Variants in ST8SIA4 observed in about 807,000 individuals in gnomAD.
ST8SIA4 encodes the protein ST8 alpha-N-acetyl-neuraminide alpha-2,8-sialyltransferase 4.
Under a neutral mutation model 33.9 loss-of-function variants are expected in ST8SIA4, and 15 were observed. The ratio of observed to expected loss-of-function variants is 0.44; its 90% CI spans 0.30 to 0.68. The LOEUF (loss-of-function observed/expected upper bound fraction) is 0.68. Ranked by LOEUF, ST8SIA4 falls within the 30% of genes least tolerant of loss-of-function variation. The probability of loss-of-function intolerance (pLI) is 0.10; values close to 1 mark genes in which losing one functional copy is unlikely to be tolerated. For missense variants in ST8SIA4, 321 were observed against 428.0 expected (o/e 0.75, Z 2.21); for synonymous variants, 171 against 151.2 (o/e 1.13, Z -0.96).
intron 3 of ST8SIA4, among the ~76,000 whole-genome samples, chr5:100,879,200 GTAATCT>G (rs1416770138): frequency 6.6e-6 from 1 of 152,002 alleles, no homozygotes; most frequent in African/African-American, 2.4e-5. Flanking sequence ...TTCTTATTAA[GTAATCT>G]TTTTAAACAA....
chr5:100,821,230 G>A (rs1204167006), intron 4 of ST8SIA4, among the ~76,000 whole-genome samples: 1 of 151,936 alleles, frequency 6.6e-6, no homozygotes, highest in African/African-American at 2.4e-5. Context: ...AGGACATGGA[G>A]TCCTACAAAG....
At chr5:100,842,951 G>A (rs773380558) in intron 4 of ST8SIA4, among the ~76,000 whole-genome samples, 10 of 151,896 alleles carry the variant, frequency 6.6e-5, no homozygotes, top group Non-Finnish European at 1.2e-4. Context: ...ATATTGTTGA[G>A]TATCCAAAAC....
At chr5:100,852,466 T>C (rs547212138) in intron 4 of ST8SIA4, among the ~76,000 whole-genome samples, 44 of 101,944 alleles carry the variant, frequency 4.3e-4, no homozygotes, top group Admixed American at 1.0e-3. Context: ...TACAAAATGT[T>C]AATTTGAAAA....
chr5:100,873,006 T>C (rs372334107), intron 3 of ST8SIA4, among the ~76,000 whole-genome samples: 1 of 152,236 alleles, frequency 6.6e-6, no homozygotes, highest in African/African-American at 2.4e-5. Context: ...ATGAACATTC[T>C]GACTCAGCAG....
At chr5:100,897,733 G>A (rs1342410182) in intron 1 of ST8SIA4, among the ~76,000 whole-genome samples, 2 of 152,100 alleles carry the variant, frequency 1.3e-5, no homozygotes, top group African/African-American at 4.8e-5. Context: ...GCTACTCCCT[G>A]TGAAATTCAT....
At chr5:100,841,262 T>C (rs1751464377) in intron 4 of ST8SIA4, among the ~76,000 whole-genome samples, 1 of 151,858 alleles carries the variant, frequency 6.6e-6, no homozygotes, top group African/African-American at 2.4e-5. Context: ...CTGGGACTTT[T>C]GTAAATTGGG....
chr5:100,903,245 A>C lies in ST8SIA4; in HGVS notation c.-290T>G. On this transcript the variant is annotated 5_prime_UTR_variant, in exon 1 of 5. Coordinates refer to ENST00000231461, the MANE Select transcript of ST8SIA4 (RefSeq NM_005668.6). ...TCAGATGAGACACCTTGTGCATTGG[A>C]GGTGGCGGCAGCTTCTGCAGCTGGG... The C allele has an allele frequency of 2.6e-6, 1 of 386,384 alleles. No homozygotes were observed. Among genetic ancestry groups the C allele is most frequent in the South Asian group, 3.0e-5 (1 of 33,808 alleles). The allele number at this position is 386,384 out of a possible 1,614,324, so 23.9% of individuals were successfully genotyped here.
chr5:100,871,255 A>T (rs534138043), intron 3 of ST8SIA4, among the ~76,000 whole-genome samples: 1 of 152,096 alleles, frequency 6.6e-6, no homozygotes, highest in Non-Finnish European at 1.5e-5. Context: ...TCTGTAAATT[A>T]TCTACCAGTG....
chr5:100,898,761 C>T (rs541020647), intron 1 of ST8SIA4, among the ~76,000 whole-genome samples: 2 of 152,186 alleles, frequency 1.3e-5, no homozygotes, highest in Non-Finnish European at 2.9e-5. Context: ...TTGCCACCCC[C>T]CTACTTGTCT....
chr5:100,885,300 AG>A, intron 3 of ST8SIA4: 1 of 898,388 alleles, frequency 1.1e-6, no homozygotes, highest in Non-Finnish European at 1.3e-6. Context: ...AAGAGAGAAA[AG>A]GAAAGATAAT....
chr5:100,892,416 T>C (rs2112479462), intron 2 of ST8SIA4, among the ~76,000 whole-genome samples: 1 of 152,250 alleles, frequency 6.6e-6, no homozygotes, highest in Middle Eastern at 3.4e-3. Context: ...AAACTCCATA[T>C]ATCGTGAATC....
In ST8SIA4 at chr5:100,811,575, C is replaced by T. The variant is rs769667085; in HGVS notation, c.*272G>A. On this transcript the variant is annotated 3_prime_UTR_variant, in exon 5 of 5. Coordinates refer to ENST00000231461, the MANE Select transcript of ST8SIA4 (RefSeq NM_005668.6). Reference sequence around the variant, plus strand: ...GCTTTGTTAACTAATGATGAGTGCACTGTTGGATCTTGTAAACACTACTGA... The same window carrying T: ...GCTTTGTTAACTAATGATGAGTGCATTGTTGGATCTTGTAAACACTACTGA... 8.6e-6 allele frequency: 3 copies of T among 349,850 alleles called. No individual in the cohort carries two copies. Among genetic ancestry groups the T allele is most frequent in the Non-Finnish European group, 1.6e-5 (3 of 188,610 alleles). 21.7% of individuals were successfully genotyped at this position (349,850 alleles called of 1,614,324 possible).
chr5:100,819,654 G>A (rs1281910107), intron 4 of ST8SIA4, among the ~76,000 whole-genome samples: 1 of 152,128 alleles, frequency 6.6e-6, no homozygotes, highest in Non-Finnish European at 1.5e-5. Context: ...AGCTTCATGA[G>A]TTTTGATCAA....
chr5:100,855,096 C>A (rs558662280), intron 4 of ST8SIA4, among the ~76,000 whole-genome samples: 9 of 152,320 alleles, frequency 5.9e-5, no homozygotes, highest in Non-Finnish European at 1.5e-5. Context: ...CCACAACAGA[C>A]TCCATTATTC....
At chr5:100,862,277 G>C (rs1435137769) in intron 3 of ST8SIA4, among the ~76,000 whole-genome samples, 1 of 152,118 alleles carries the variant, frequency 6.6e-6, no homozygotes, top group East Asian at 1.9e-4. Context: ...TGACTCAACT[G>C]TTCAGGAGAA....
rs141826787 is a variant in ST8SIA4, at chr5:100,861,177, AATACACAC to A, written c.504-4789_504-4782del. Among the ~76,000 whole-genome samples, 1,373 of 151,908 alleles carry A rather than the reference AATACACAC, an allele frequency of 9.0e-3. 18 individuals are homozygous for A. The highest frequency in any genetic ancestry group is 0.031 in the African/African-American group (1,302 of 41,520). ...TTCAGTATGATGAATAGGCACACAA[AATACACAC>A]ATACACACACACACACACCACATTT... On this transcript the variant is annotated intron_variant, in intron 3 of 4. Transcript: ENST00000231461.
At position 100,854,350 on chromosome 5, in the gene ST8SIA4, G is replaced by A. The variant is rs538237853; in HGVS notation, c.797+1753C>T. ...TGTAATTCCAGCACTTTGGGAGGCC[G>A]AGGTGGGTGGATCACGAAGTCAGGA... On this transcript the variant is annotated intron_variant, in intron 4 of 4. Transcript: ENST00000231461. Among the ~76,000 whole-genome samples, 10 of 152,154 alleles carry A rather than the reference G, an allele frequency of 6.6e-5. 1 individual carries two copies. In the South Asian group the frequency reaches 1.5e-3, roughly 22 times the overall value.
At chr5:100,850,805 T>C (rs1751678620) in intron 4 of ST8SIA4, among the ~76,000 whole-genome samples, 1 of 150,334 alleles carries the variant, frequency 6.7e-6, no homozygotes, top group Non-Finnish European at 1.5e-5. Context: ...ATATAACATG[T>C]GTGTGTATAT....
chr5:100,895,560 A>T, intron 2 of ST8SIA4, 94 bp downstream of exon 2: 1 of 1,235,690 alleles, frequency 8.1e-7, no homozygotes, highest in Non-Finnish European at 1.1e-6. Flanking sequence ...ATTCATACTT[A>T]AACCATAAAT....
Sources: gnomAD v4.1 joint callset for allele counts (sites outside exome capture counted in the v4.1 genomes callset) on GRCh38, gnomAD v4.1.1 for gene constraint, MANE v1.5 for transcripts, NCBI Gene and HGNC (gene_info 2026-07-23, HGNC 2026-07-21) for gene names.